The following WAC variants were observed in gnomAD, a reference collection of about 807,000 sequenced individuals.
WAC encodes the protein WW domain containing adaptor with coiled-coil.
In WAC, 11 loss-of-function variants were observed where a neutral mutation model predicts 79.6. The observed-to-expected ratio is 0.14, with a 90% CI of 0.09 to 0.23. The LOEUF (loss-of-function observed/expected upper bound fraction) is 0.23. WAC is among the 10% of genes least tolerant of loss of function. The probability of loss-of-function intolerance (pLI) is 1.00; values close to 1 mark genes in which losing one functional copy is unlikely to be tolerated. For synonymous variants in WAC, 304 were observed against 276.9 expected, an observed-to-expected ratio of 1.10 and a Z score of -0.97; for missense variants, 728 against 773.5, an observed-to-expected ratio of 0.94 and a Z score of 0.70.
At chr10:28,567,043 C>G (rs1251141628) in intron 3 of WAC, among the ~76,000 whole-genome samples, 1 of 147,562 alleles carries the variant, frequency 6.8e-6, no homozygotes, top group African/African-American at 2.5e-5. Flanking sequence ...ACATTTTTGT[C>G]TTATGTGCTT....
At chr10:28,538,884 A>G (rs1056230260) in intron 3 of WAC, among the ~76,000 whole-genome samples, 2 of 143,796 alleles carry the variant, frequency 1.4e-5, no homozygotes, top group Admixed American at 7.0e-5. Context: ...AAAAAAAAAA[A>G]GAAAAAAATT....
intron 3 of WAC, among the ~76,000 whole-genome samples, chr10:28,567,955 C>T (rs1369779566): frequency 2.6e-5 from 4 of 152,150 alleles, no homozygotes; most frequent in Non-Finnish European, 5.9e-5. Flanking sequence ...CCAAGCTGGT[C>T]TCGAACTCCT....
chr10:28,602,753 CAA>C (rs1407128308), intron 7 of WAC, among the ~76,000 whole-genome samples: 3 of 152,226 alleles, frequency 2.0e-5, no homozygotes, highest in East Asian at 1.9e-4. Flanking sequence ...GTACCTATAA[CAA>C]GAGTTGAAGT....
intron 3 of WAC, among the ~76,000 whole-genome samples, chr10:28,554,543 T>C (rs990347086): frequency 6.6e-6 from 1 of 152,222 alleles, no homozygotes; most frequent in African/African-American, 2.4e-5. Context: ...TATCCACGAA[T>C]AGCTCGTGAA....
rs536501134 is a variant in WAC at position 28,562,206 on chromosome 10, G to A, written c.275-21193G>A. 9.2e-5 allele frequency among the ~76,000 whole-genome samples: 14 copies of A among 152,142 alleles called. No individual in the cohort carries two copies. The South Asian group carries it at 1.2e-3, about 14-fold the overall frequency. On this transcript the variant is annotated intron_variant, in intron 3 of 13. Transcript: ENST00000354911. ...TGAGTAGCTGGGATTGTAGGTGTGC[G>A]CAACCACATCTGGCTAATTTTTATA...
At chr10:28,541,014 A>G (rs1162951820) in intron 3 of WAC, among the ~76,000 whole-genome samples, 1 of 151,990 alleles carries the variant, frequency 6.6e-6, no homozygotes, top group Non-Finnish European at 1.5e-5. Context: ...ATTTTTAGAG[A>G]GATGGTTATT....
chr10:28,558,507 C>T (rs528121049), intron 3 of WAC, among the ~76,000 whole-genome samples: 25 of 152,014 alleles, frequency 1.6e-4, no homozygotes, highest in Middle Eastern at 6.8e-3. Flanking sequence ...ATTAGGAAGC[C>T]GGGTTTGTTT....
intron 3 of WAC, among the ~76,000 whole-genome samples, chr10:28,563,341 G>GA (rs1554781555): frequency 6.6e-6 from 1 of 152,158 alleles, no homozygotes; most frequent in African/African-American, 2.4e-5. Flanking sequence ...CTAGGAGGTA[G>GA]AACAAGTGAG....
At chr10:28,604,200 A>C (rs2132770482) in intron 7 of WAC, among the ~76,000 whole-genome samples, 1 of 150,726 alleles carries the variant, frequency 6.6e-6, no homozygotes, top group East Asian at 2.0e-4. Flanking sequence ...TGTTACGTCG[A>C]TGGAAGTGTA....
intron 7 of WAC, among the ~76,000 whole-genome samples, chr10:28,596,577 A>G (rs1383742779): frequency 3.9e-5 from 6 of 152,184 alleles, no homozygotes; most frequent in Non-Finnish European, 8.8e-5. Flanking sequence ...CGTTTATCCA[A>G]CTCAGTGTCA....
At position 28,533,494 on chromosome 10, in the gene WAC, CCCG is replaced by C. The variant is rs968068478; in HGVS notation, c.-71_-69del. 4,524 of 865,904 alleles carry C rather than the reference CCCG, an allele frequency of 5.2e-3. No individual in the cohort carries two copies. The highest frequency in any genetic ancestry group is 6.6e-3 in the South Asian group (146 of 22,170). The allele number at this position is 865,904 out of a possible 1,614,324, so 53.6% of individuals were successfully genotyped here. A position where few individuals can be genotyped will look rare whatever the true frequency, so the allele number is the denominator to read the frequency against. On this transcript the variant is annotated 5_prime_UTR_variant, in exon 1 of 14. Transcript: ENST00000354911. ...GCCCAGGTGCCGGGGCTGCCCGCCG[CCCG>C]CCGCCGCCGCCGCCTGCGCGCCCGC...
intron 3 of WAC, among the ~76,000 whole-genome samples, chr10:28,558,888 T>C (rs1838144134): frequency 6.6e-6 from 1 of 152,192 alleles, no homozygotes; most frequent in Non-Finnish European, 1.5e-5. Context: ...TTTGATGTTA[T>C]TGGAATGTTG....
At chr10:28,535,347 T>G in intron 2 of WAC, 30 of 369,414 alleles carry the variant, frequency 8.1e-5, no homozygotes, top group Admixed American at 1.4e-4. Context: ...TTTTTTTGTG[T>G]TTAGTGTGAT....
chr10:28,589,534 TTTTGATA>T (rs1839988139), intron 4 of WAC, 195 bp from the exon 5 acceptor site: 1 of 300,824 alleles, frequency 3.3e-6, no homozygotes, highest in African/African-American at 2.2e-5. Context: ...TTCTGCTTAA[TTTTGATA>T]TTTTATAAAG....
intron 7 of WAC, among the ~76,000 whole-genome samples, chr10:28,605,078 A>T (rs1840873612): frequency 6.6e-6 from 1 of 152,194 alleles, no homozygotes; most frequent in South Asian, 2.1e-4. Flanking sequence ...TGGTTGAGAG[A>T]GTGGAGCAAT....
chr10:28,554,441 T>C (rs1466031607), intron 3 of WAC, among the ~76,000 whole-genome samples: 1 of 152,248 alleles, frequency 6.6e-6, no homozygotes, highest in Non-Finnish European at 1.5e-5. Flanking sequence ...TACTGAGGTT[T>C]AATAAAACTT....
At chr10:28,591,018 G>A (rs778852286) in intron 6 of WAC, 186 bp downstream of exon 6, 80 of 565,400 alleles carry the variant, frequency 1.4e-4, no homozygotes, top group Non-Finnish European at 1.9e-4. Context: ...ATACACGGTC[G>A]AGTAGTACAG....
In WAC at chr10:28,535,744, A is replaced by G. The variant is rs1159835342; in HGVS notation, c.261A>G (p.Arg87=). Residue 87 remains arginine, a synonymous_variant, in exon 3 of 14, where the codon AGA becomes AGG. Transcript: ENST00000354911. The stretch of plus-strand genomic sequence containing the variant: ...AAAATGTGCATACTCACAGAGTTAG[A>G]GAGAGGGATGGTGGTGAGTATCTTT... ...KAKNVHTHRV[R]ERDGGTSYSP... 2 of 1,610,626 alleles carry G rather than the reference A, an allele frequency of 1.2e-6. No homozygotes were observed. Among genetic ancestry groups the G allele is most frequent in the Non-Finnish European group, 1.7e-6 (2 of 1,178,018 alleles).
intron 3 of WAC, among the ~76,000 whole-genome samples, chr10:28,553,353 T>C (rs1230049639): frequency 6.6e-6 from 1 of 152,232 alleles, no homozygotes; most frequent in East Asian, 1.9e-4. Flanking sequence ...AGATACAGTA[T>C]TCATTTTCTG....
Sources: gnomAD v4.1 joint callset for allele counts (sites outside exome capture counted in the v4.1 genomes callset) on GRCh38, gnomAD v4.1.1 for gene constraint, MANE v1.5 for transcripts, NCBI Gene and HGNC (gene_info 2026-07-23, HGNC 2026-07-21) for gene names.